The following USP32 variants were observed in gnomAD, a reference collection of about 807,000 sequenced individuals.
The protein encoded by USP32 is ubiquitin carboxyl-terminal hydrolase 32.
A neutral mutation model predicts 204.8 loss-of-function variants in USP32; 59 were observed. That is an observed-to-expected ratio of 0.29 (90% CI 0.23 to 0.36). USP32 has a LOEUF of 0.36. Among genes scored for constraint, USP32 ranks in the 10% least tolerant of loss-of-function variants. The pLI is 1.00. For missense variants in USP32, 1,160 were observed against 1,946.4 expected, an observed-to-expected ratio of 0.60 and a Z score of 7.60; for synonymous variants, 517 against 678.4, an observed-to-expected ratio of 0.76 and a Z score of 3.70.
chr17:60,312,991 C>T (rs779793031), intron 2 of USP32, among the ~76,000 whole-genome samples: 10 of 151,982 alleles, frequency 6.6e-5, no homozygotes, highest in Admixed American at 3.9e-4. Flanking sequence ...TGCCTGTAAT[C>T]CCAGATCCCA....
At chr17:60,217,110 T>C (rs2258523) in intron 16 of USP32, among the ~76,000 whole-genome samples, 1 of 152,196 alleles carries the variant, frequency 6.6e-6, no homozygotes, top group South Asian at 2.1e-4. Context: ...ATTTGAGTTT[T>C]AGAAAGTTTT....
chr17:60,204,519 A>AGTGCT (rs2084773790), intron 26 of USP32, among the ~76,000 whole-genome samples: 1 of 144,020 alleles, frequency 6.9e-6, no homozygotes, highest in African/African-American at 2.6e-5. Flanking sequence ...CCCAGGCTGG[A>AGTGCT]GTGCTGTGGC....
intron 26 of USP32, among the ~76,000 whole-genome samples, chr17:60,202,757 C>T (rs1425872765): frequency 6.7e-6 from 1 of 149,658 alleles, no homozygotes. Context: ...ATGGTGGCCT[C>T]TAAAACAGTA....
chr17:60,252,734 TTCAGAA>T (rs2086200589), intron 10 of USP32, among the ~76,000 whole-genome samples: 1 of 152,178 alleles, frequency 6.6e-6, no homozygotes, highest in Non-Finnish European at 1.5e-5. Context: ...AGGAACAGAT[TTCAGAA>T]TAATTCTTCT....
intron 1 of USP32, among the ~76,000 whole-genome samples, chr17:60,378,341 C>T (rs1475614672): frequency 1.3e-5 from 2 of 152,130 alleles, no homozygotes; most frequent in Non-Finnish European, 2.9e-5. Context: ...TTGTGCATTG[C>T]TGGTGGAAAT....
Position 60,271,362 on chromosome 17 carries a change from A to T in USP32, c.691T>A (p.Ser231Thr), listed in dbSNP as rs745790033. Residue 231 changes from serine (S) to threonine (T), a missense_variant, in exon 6 of 34, where the codon TCT (serine) becomes ACT (threonine). By Grantham distance (58) the Ser-to-Thr change is moderately conservative. This residue lies in a region of USP32 where 536 missense variants were observed against 680.9 expected (regional missense o/e 0.79). Coordinates refer to ENST00000300896, the MANE Select transcript of USP32 (RefSeq NM_032582.4). The stretch of plus-strand genomic sequence containing the variant: ...GAATGATCCCTACCTTCACTTAGAG[A>T]TGGACGAATAGGTGGTGAAACCAAT... ...GPLVSPPIRP[S>T]LSEGLFNAFD... 25 of 1,613,948 alleles carry T rather than the reference A, an allele frequency of 1.5e-5. No homozygotes were observed. In the Admixed American group the frequency reaches 1.7e-4, roughly 11 times the overall value.
intron 7 of USP32, among the ~76,000 whole-genome samples, chr17:60,266,464 T>G (rs948028985): frequency 6.6e-6 from 1 of 152,156 alleles, no homozygotes; most frequent in Admixed American, 6.6e-5. Context: ...TATTGAAAAC[T>G]GATCATTGCA....
intron 1 of USP32, among the ~76,000 whole-genome samples, chr17:60,358,051 G>A (rs1037942797): frequency 1.8e-4 from 27 of 152,160 alleles, no homozygotes; most frequent in South Asian, 4.1e-4. Flanking sequence ...TTACAGGTGT[G>A]AGCCACCACA....
Position 60,200,398 on chromosome 17 carries a change from T to C in USP32, c.3250-1954A>G, listed in dbSNP as rs543723562. The stretch of plus-strand genomic sequence containing the variant: ...CAACATAGAGAAACTCTGTCTCTAC[T>C]AAAAATACAAAATTAGCCAGGCGTG... On this transcript the variant is annotated intron_variant, in intron 26 of 33. Transcript: ENST00000300896. Among the ~76,000 whole-genome samples the C allele has an allele frequency of 1.9e-4, 29 of 150,898 alleles. No homozygotes were observed. In the South Asian group the frequency reaches 4.8e-3, roughly 25 times the overall value.
intron 1 of USP32, among the ~76,000 whole-genome samples, chr17:60,407,754 C>G (rs1055217315): frequency 7.6e-5 from 11 of 144,614 alleles, no homozygotes; most frequent in African/African-American, 2.6e-4. Flanking sequence ...TGTGCTCCAG[C>G]CTGGGCGACA....
At chr17:60,311,817 T>G (rs1197480033) in intron 2 of USP32, among the ~76,000 whole-genome samples, 45 of 152,034 alleles carry the variant, frequency 3.0e-4, no homozygotes, top group Admixed American at 2.9e-3. Context: ...AAGAGCGAAA[T>G]TCCACCTCAA....
At chr17:60,345,697 T>G in intron 1 of USP32, 89 bp from the exon 2 acceptor site, 1 of 1,568,770 alleles carries the variant, frequency 6.4e-7, no homozygotes, top group South Asian at 1.1e-5. Context: ...TAAGAAAAAT[T>G]GAGGCTAGGC....
chr17:60,300,584 G>A (rs373308604), intron 3 of USP32, among the ~76,000 whole-genome samples: 4 of 151,974 alleles, frequency 2.6e-5, no homozygotes, highest in African/African-American at 7.3e-5. Context: ...TACAAATAAC[G>A]TATATAAAAT....
rs1380311428 is a variant in USP32 at position 60,181,532 on chromosome 17, C to T, written c.4340G>A (p.Arg1447Gln). 6 of 1,613,990 alleles carry T rather than the reference C, an allele frequency of 3.7e-6. No individual in the cohort carries two copies. The highest frequency in any genetic ancestry group is 1.1e-5 in the South Asian group (1 of 91,082). ...TTGGCTGCCCCCCAGCACATGCCCT[C>T]GACTCAAGGCGTCAGCCAGCTCACA... ...QICELADALS[R>Q]GHVLGGSQPE... is the part of the protein sequence containing the mutation. The change falls in exon 32 of 34, where the codon CGA becomes CAA. Residue 1447 changes from arginine to glutamine, a missense_variant. Transcript: ENST00000300896.
chr17:60,211,145 G>A (rs750886074), intron 20 of USP32, 27 bp from the exon 21 acceptor site: 4 of 1,603,682 alleles, frequency 2.5e-6, no homozygotes, highest in Non-Finnish European at 3.4e-6. Context: ...AAAATTTGTT[G>A]CCAAAGATTC....
chr17:60,407,121 A>T (rs1370765389), intron 1 of USP32, among the ~76,000 whole-genome samples: 1 of 152,224 alleles, frequency 6.6e-6, no homozygotes, highest in Admixed American at 6.5e-5. Context: ...AATCTGGATC[A>T]TAAAATCAGA....
chr17:60,404,525 T>C (rs2089960749), intron 1 of USP32, among the ~76,000 whole-genome samples: 2 of 152,212 alleles, frequency 1.3e-5, no homozygotes. Flanking sequence ...CTAAAAGAAC[T>C]AGTTCTAGGA....
chr17:60,309,081 A>G (rs900110832), intron 2 of USP32, among the ~76,000 whole-genome samples: 1 of 152,214 alleles, frequency 6.6e-6, no homozygotes, highest in Non-Finnish European at 1.5e-5. Context: ...TCTGGGGAAA[A>G]AAATTTTTGT....
intron 1 of USP32, among the ~76,000 whole-genome samples, chr17:60,370,395 G>A (rs567466930): frequency 3.9e-5 from 6 of 152,150 alleles, no homozygotes; most frequent in African/African-American, 1.4e-4. Flanking sequence ...AATTAGCAAA[G>A]AATTTTTTGC....
Sources: gnomAD v4.1 joint callset for allele counts (sites outside exome capture counted in the v4.1 genomes callset) on GRCh38, gnomAD v4.1.1 for gene constraint, gnomAD v4.1.1 regional missense constraint, MANE v1.5 for transcripts, NCBI Gene and HGNC (gene_info 2026-07-23, HGNC 2026-07-21) for gene names.